Variants in BAZ1B observed in about 807,000 individuals in gnomAD.
BAZ1B encodes tyrosine-protein kinase BAZ1B.
In BAZ1B, 22 loss-of-function variants were observed where a neutral mutation model predicts 153.8. The observed-to-expected ratio is 0.14, with a 90% CI of 0.10 to 0.20. The LOEUF is 0.20. Among genes scored for constraint, BAZ1B ranks in the 10% least tolerant of loss-of-function variants. The pLI, the probability that BAZ1B is intolerant of heterozygous loss-of-function variation, is 1.00. For missense variants in BAZ1B, 1,325 were observed against 1,799.3 expected (o/e 0.74, Z 4.77); for synonymous variants, 676 against 633.4 (o/e 1.07, Z -1.01).
chr7:73,465,623 G>A, intron 10 of BAZ1B, 86 bp from the exon 11 acceptor site: 1 of 801,550 alleles, frequency 1.2e-6, no homozygotes, highest in South Asian at 1.8e-5. Context: ...AGAGTTGGTG[G>A]TGGGACTTGG....
chr7:73,511,255 G>A (rs781846065), intron 1 of BAZ1B, among the ~76,000 whole-genome samples: 63 of 151,752 alleles, frequency 4.2e-4, no homozygotes, highest in Middle Eastern at 3.2e-3. Context: ...GAGACAGTGC[G>A]GCTCCGTCTC....
At chr7:73,498,144 G>A (rs1297829404) in intron 4 of BAZ1B, among the ~76,000 whole-genome samples, 1 of 152,028 alleles carries the variant, frequency 6.6e-6, no homozygotes, top group Non-Finnish European at 1.5e-5. Flanking sequence ...ATTTTTAGTA[G>A]AGACAGGGTT....
chr7:73,506,415 C>T (rs1284140270), intron 3 of BAZ1B, among the ~76,000 whole-genome samples: 1 of 151,172 alleles, frequency 6.6e-6, no homozygotes, highest in Non-Finnish European at 1.5e-5. Context: ...AGGAGAATGG[C>T]GTGAACCCAG....
At chr7:73,505,903 A>C (rs1178820118) in intron 3 of BAZ1B, among the ~76,000 whole-genome samples, 1 of 152,152 alleles carries the variant, frequency 6.6e-6, no homozygotes, top group African/African-American at 2.4e-5. Context: ...AGAACTACGG[A>C]CTATTATTAC....
chr7:73,460,175 C>T (rs946673096), intron 12 of BAZ1B, among the ~76,000 whole-genome samples: 10 of 132,486 alleles, frequency 7.5e-5, no homozygotes, highest in Admixed American at 7.5e-4. Context: ...GGTGACACAG[C>T]GAGACTCCGT....
At chr7:73,487,850 AAAT>A (rs1380978210) in intron 6 of BAZ1B, among the ~76,000 whole-genome samples, 1 of 152,236 alleles carries the variant, frequency 6.6e-6, no homozygotes, top group Non-Finnish European at 1.5e-5. Flanking sequence ...CCTTTTAAGC[AAAT>A]AATAATAATT....
chr7:73,457,223 G>C (rs1788240158), intron 13 of BAZ1B, among the ~76,000 whole-genome samples: 1 of 152,000 alleles, frequency 6.6e-6, no homozygotes, highest in Non-Finnish European at 1.5e-5. Flanking sequence ...TGTTGCCCAG[G>C]GTAGAGTGCA....
intron 4 of BAZ1B, among the ~76,000 whole-genome samples, chr7:73,497,122 G>A (rs1268200368): frequency 2.0e-5 from 3 of 150,384 alleles, no homozygotes; most frequent in Non-Finnish European, 4.4e-5. Context: ...GCATGCCTAC[G>A]GTCCCAGCTA....
At chr7:73,463,239 CTTTTTTTTTTT>C (rs11340027) in intron 11 of BAZ1B, 140 bp from the exon 12 acceptor site, 15 of 466,554 alleles carry the variant, frequency 3.2e-5, no homozygotes, top group South Asian at 9.3e-5. Flanking sequence ...TTTCTTTTTT[CTTTTTTTTTTT>C]TTTTTTTCCC....
intron 4 of BAZ1B, among the ~76,000 whole-genome samples, chr7:73,494,370 G>T (rs1002671766): frequency 6.6e-6 from 1 of 151,708 alleles, no homozygotes; most frequent in Non-Finnish European, 1.5e-5. Context: ...GCAACAGAGC[G>T]AGACTCTGTC....
intron 6 of BAZ1B, 59 bp downstream of exon 6, chr7:73,489,133 GGA>G (rs1554574980): frequency 2.0e-6 from 3 of 1,501,908 alleles, no homozygotes; most frequent in Non-Finnish European, 2.8e-6. Context: ...TAAATATACT[GGA>G]GCCATCAGAG....
chr7:73,494,218 C>CA (rs1335526661), intron 4 of BAZ1B, among the ~76,000 whole-genome samples: 4 of 151,626 alleles, frequency 2.6e-5, no homozygotes, highest in Admixed American at 6.6e-5. Context: ...CCTGTCTCTA[C>CA]AAAAAATAGA....
At chr7:73,521,485 T>G (rs536938378) in intron 1 of BAZ1B, among the ~76,000 whole-genome samples, 6 of 152,156 alleles carry the variant, frequency 3.9e-5, no homozygotes, top group Non-Finnish European at 8.8e-5. Flanking sequence ...TCCCCACGCC[T>G]CCTCCTCCCT....
intron 3 of BAZ1B, among the ~76,000 whole-genome samples, chr7:73,504,100 T>C (rs1790238615): frequency 6.6e-6 from 1 of 152,206 alleles, no homozygotes; most frequent in Non-Finnish European, 1.5e-5. Context: ...CTTGTTAAGT[T>C]TTCCTTAACC....
At chr7:73,456,317 T>G (rs1195779791) in intron 13 of BAZ1B, among the ~76,000 whole-genome samples, 1 of 152,282 alleles carries the variant, frequency 6.6e-6, no homozygotes, top group East Asian at 1.9e-4. Flanking sequence ...TTAGACTCCA[T>G]GCAAATGAAA....
rs1172025967 is a variant in BAZ1B at position 73,440,967 on chromosome 7, G to T, written c.*742C>A. On this transcript the variant is annotated 3_prime_UTR_variant, in exon 20 of 20. Transcript: ENST00000339594. ...AACTAGAGCTAGATTTGTTGTGGGGGAAGGGGCTCTCAGAGCTTCTCTGCC... is the reference window on the plus strand; with the variant it reads ...AACTAGAGCTAGATTTGTTGTGGGGTAAGGGGCTCTCAGAGCTTCTCTGCC... 6.6e-6 allele frequency: 1 copy of T among 152,626 alleles called. No individual in the cohort carries two copies. The highest frequency in any genetic ancestry group is 1.5e-5 in the Non-Finnish European group (1 of 68,044). 9.5% of individuals were successfully genotyped at this position (152,626 alleles called of 1,614,324 possible).
intron 7 of BAZ1B, among the ~76,000 whole-genome samples, chr7:73,475,798 C>T (rs1382694254): frequency 1.3e-5 from 2 of 152,060 alleles, no homozygotes; most frequent in East Asian, 1.9e-4. Flanking sequence ...ATGGCGCATG[C>T]CTGTAATCCC....
intron 6 of BAZ1B, among the ~76,000 whole-genome samples, chr7:73,478,936 G>A (rs1282546241): frequency 6.6e-6 from 1 of 152,110 alleles, no homozygotes; most frequent in African/African-American, 2.4e-5. Flanking sequence ...CCCAGATTAA[G>A]GATATCTGAT....
intron 14 of BAZ1B, 44 bp from the exon 15 acceptor site, chr7:73,449,733 G>A (rs782563071): frequency 1.3e-6 from 2 of 1,599,540 alleles, no homozygotes; most frequent in Admixed American, 1.7e-5. Flanking sequence ...GAGCACAGCA[G>A]CAGTCAATGA....
Sources: gnomAD v4.1 joint callset for allele counts (sites outside exome capture counted in the v4.1 genomes callset) on GRCh38, gnomAD v4.1.1 for gene constraint, MANE v1.5 for transcripts, NCBI Gene and HGNC (gene_info 2026-07-23, HGNC 2026-07-21) for gene names.